Variants in PRKCZ observed in about 807,000 individuals in gnomAD.
The protein encoded by PRKCZ is protein kinase C zeta.
In PRKCZ, 33 loss-of-function variants were observed where a neutral mutation model predicts 79.5. The ratio of observed to expected loss-of-function variants is 0.41; its 90% CI spans 0.31 to 0.55. The LOEUF (loss-of-function observed/expected upper bound fraction) is 0.55. Among genes scored for constraint, PRKCZ ranks in the 20% least tolerant of loss-of-function variants. The probability of loss-of-function intolerance (pLI) is 0.19; values close to 1 mark genes in which losing one functional copy is unlikely to be tolerated. For synonymous variants in PRKCZ, 342 were observed against 320.9 expected, an observed-to-expected ratio of 1.07 and a Z score of -0.70; for missense variants, 578 against 813.5, an observed-to-expected ratio of 0.71 and a Z score of 3.52.
Position 2,082,291 on chromosome 1 carries a change from A to G in PRKCZ, c.334+22700A>G. ...TCCGTGGCACGATCACACGTGCAGG[A>G]GCTGGGGGCTGCCAGAGCGGCTGTT... On this transcript the variant is annotated intron_variant, in intron 4 of 17. Coordinates refer to ENST00000378567, the MANE Select transcript of PRKCZ (RefSeq NM_002744.6). The surrounding 1 kb of genome is among the most constrained non-coding windows in gnomAD (Gnocchi z 4.4). The G allele has an allele frequency of 2.3e-6, 1 of 441,970 alleles. No individual in the cohort carries two copies. Among genetic ancestry groups the G allele is most frequent in the Non-Finnish European group, 4.6e-6 (1 of 219,634 alleles). 27.4% of individuals were successfully genotyped at this position (441,970 alleles called of 1,614,324 possible).
intron 4 of PRKCZ, chr1:2,074,589 T>C: frequency 2.0e-6 from 1 of 502,446 alleles, no homozygotes; most frequent in Non-Finnish European, 3.6e-6. Flanking sequence ...GCCTGCGGTC[T>C]TTCCGTCTCG....
At chr1:2,081,165 T>C (rs1455014572) in intron 4 of PRKCZ, among the ~76,000 whole-genome samples, 4 of 152,280 alleles carry the variant, frequency 2.6e-5, no homozygotes, top group Non-Finnish European at 4.4e-5. Context: ...GCACGGGACT[T>C]GTACGTCTGT....
rs56402864 is a variant in PRKCZ, at chr1:2,184,675, C to T, written c.1668C>T (p.Pro556=). The stretch of plus-strand genomic sequence containing the variant: ...TTGACACACAGTTCACCAGCGAGCC[C>T]GTGCAGCTGACCCCAGACGATGAGT... ...DNFDTQFTSE[P]VQLTPDDEDA... is the part of the protein sequence containing the mutation. Residue 556 remains proline, a synonymous_variant, in exon 17 of 18, where the codon CCC becomes CCT. Coordinates refer to ENST00000378567, the MANE Select transcript of PRKCZ (RefSeq NM_002744.6). 39 of 1,613,614 alleles carry T rather than the reference C, an allele frequency of 2.4e-5. No individual in the cohort carries two copies. Among genetic ancestry groups the T allele is most frequent in the African/African-American group, 5.3e-5 (4 of 74,938 alleles).
intron 4 of PRKCZ, among the ~76,000 whole-genome samples, chr1:2,130,403 T>C (rs947863887): frequency 1.3e-5 from 2 of 152,254 alleles, no homozygotes; most frequent in East Asian, 1.9e-4. Context: ...CTGGCGTGCC[T>C]TCCCGTGGGA....
At chr1:2,085,925 C>G (rs1015244711) in intron 4 of PRKCZ, among the ~76,000 whole-genome samples, 3 of 152,182 alleles carry the variant, frequency 2.0e-5, no homozygotes, top group Non-Finnish European at 4.4e-5. Context: ...CTCTTTCTCT[C>G]GCTCCCTTCT....
rs544908884 is a variant in PRKCZ, at chr1:2,174,998, C to T, written c.1485+165C>T. Among the ~76,000 whole-genome samples, 22 of 152,202 alleles carry T rather than the reference C, an allele frequency of 1.4e-4. 1 individual carries two copies. In the South Asian group the frequency reaches 3.5e-3, roughly 24 times the overall value. ...TGAGCTCTGTGTTCTGTGAATCGTC[C>T]GTTTTTACTCACACCTAACAAAATG... On this transcript the variant is annotated intron_variant, in intron 15 of 17. Coordinates refer to ENST00000378567, the MANE Select transcript of PRKCZ (RefSeq NM_002744.6). This position sits in a 1 kb window ranked among gnomAD's most constrained non-coding sequence, Gnocchi z 6.2.
chr1:2,088,258 C>G (rs1161685832), intron 4 of PRKCZ, among the ~76,000 whole-genome samples: 1 of 152,130 alleles, frequency 6.6e-6, no homozygotes, highest in African/African-American at 2.4e-5. Flanking sequence ...GTCCCTCGTC[C>G]TCCTCACTGC....
intron 1 of PRKCZ, among the ~76,000 whole-genome samples, chr1:2,054,765 C>T (rs1396371700): frequency 3.9e-5 from 6 of 152,040 alleles, no homozygotes; most frequent in South Asian, 4.1e-4. Flanking sequence ...TGCACCGACC[C>T]GGCTCGCGCC....
At chr1:2,072,138 C>T (rs1006649355) in intron 4 of PRKCZ, among the ~76,000 whole-genome samples, 1 of 152,224 alleles carries the variant, frequency 6.6e-6, no homozygotes, top group Non-Finnish European at 1.5e-5. Context: ...TCACATTTTA[C>T]GGAATGCCCC....
At chr1:2,133,034 T>C (rs1247443676) in intron 4 of PRKCZ, among the ~76,000 whole-genome samples, 1 of 152,210 alleles carries the variant, frequency 6.6e-6, no homozygotes, top group East Asian at 1.9e-4. Flanking sequence ...GTGTGCTGTG[T>C]CCTGTGGGAG....
At chr1:2,057,918 A>C (rs1399031787) in intron 3 of PRKCZ, among the ~76,000 whole-genome samples, 1 of 151,138 alleles carries the variant, frequency 6.6e-6, no homozygotes, top group Non-Finnish European at 1.5e-5. Flanking sequence ...CCCAGGCTGG[A>C]GTGCAGTGAC....
rs1571940311 is a variant in PRKCZ, at chr1:2,165,121, C to T, written c.975-4397C>T. On this transcript the variant is annotated intron_variant, in intron 10 of 17. Transcript: ENST00000378567. This position sits in a 1 kb window ranked among gnomAD's most constrained non-coding sequence, Gnocchi z 4.1. ...GAGAAATCCGAGGCCTGCCAGCATC[C>T]CCACCAGTAGATTTCTTTGGACGAA... 1.3e-5 allele frequency among the ~76,000 whole-genome samples: 2 copies of T among 152,232 alleles called. No homozygotes were observed. Among genetic ancestry groups the T allele is most frequent in the East Asian group, 3.8e-4 (2 of 5,196 alleles).
At chr1:2,156,962 G>T (rs1229637333) in intron 10 of PRKCZ, among the ~76,000 whole-genome samples, 1 of 152,142 alleles carries the variant, frequency 6.6e-6, no homozygotes, top group Non-Finnish European at 1.5e-5. Context: ...TAAGATACTG[G>T]TTCATGGGAT....
At chr1:2,148,945 G>A (rs368680606) in intron 8 of PRKCZ, 21 bp downstream of exon 8, 22 of 1,611,756 alleles carry the variant, frequency 1.4e-5, no homozygotes, top group African/African-American at 4.0e-5. Flanking sequence ...GGAGCAGCTC[G>A]CTGCCATTTC....
rs866290341 is a variant in PRKCZ at position 2,149,332 on chromosome 1, C to T, written c.687+408C>T. 4.6e-5 allele frequency among the ~76,000 whole-genome samples: 7 copies of T among 152,224 alleles called. No individual in the cohort carries two copies. The highest frequency in any genetic ancestry group is 4.6e-4 in the Admixed American group (7 of 15,286). ...CCTCTGAAGCCCTTTCATGTCCTTC[C>T]CCAACTTGAGCCAAGAGGCTCAACT... is the stretch of plus-strand genomic sequence containing the variant. On this transcript the variant is annotated intron_variant, in intron 8 of 17. Transcript: ENST00000378567. The surrounding 1 kb of genome is among the most constrained non-coding windows in gnomAD (Gnocchi z 4.1).
chr1:2,104,724 G>A (rs111794182), intron 4 of PRKCZ: 48 of 985,338 alleles, frequency 4.9e-5, no homozygotes, highest in Non-Finnish European at 5.7e-5. Context: ...TCAGAACATC[G>A]CTCGGTGCCA....
At chr1:2,148,849 T>G in intron 7 of PRKCZ, 23 bp from the exon 8 acceptor site, 1 of 1,612,948 alleles carries the variant, frequency 6.2e-7, no homozygotes, top group South Asian at 1.1e-5. Flanking sequence ...GTAACGCCCC[T>G]TCCTTCCTCC....
At chr1:2,055,263 A>G (rs1403528770) in intron 1 of PRKCZ, among the ~76,000 whole-genome samples, 178 bp from the exon 2 acceptor site, 1 of 104,890 alleles carries the variant, frequency 9.5e-6, no homozygotes, top group African/African-American at 4.0e-5. Flanking sequence ...TTTTTAAACT[A>G]TGGTTATGGT....
Position 2,172,033 on chromosome 1 carries a change from A to G in PRKCZ, c.1062-22A>G, listed in dbSNP as rs376397232. ...AGCCTCTGGCACAGGCACTGCCCCC[A>G]TGACGGCATCCCCACCCCCAGGTTC... On this transcript the variant is annotated intron_variant, in intron 11 of 17. Transcript: ENST00000378567. The surrounding 1 kb of genome is among the most constrained non-coding windows in gnomAD (Gnocchi z 7.8). 4.0e-5 allele frequency: 64 copies of G among 1,582,404 alleles called. No individual in the cohort carries two copies. The South Asian group carries it at 5.2e-4, about 13-fold the overall frequency.
Sources: gnomAD v4.1 joint callset for allele counts (sites outside exome capture counted in the v4.1 genomes callset) on GRCh38, gnomAD v4.1.1 for gene constraint, Gnocchi (gnomAD v3.1) non-coding constraint, MANE v1.5 for transcripts, NCBI Gene and HGNC (gene_info 2026-07-23, HGNC 2026-07-21) for gene names.